The following PPP1R2 variants were observed in gnomAD, a reference collection of about 807,000 sequenced individuals.
PPP1R2 encodes protein phosphatase inhibitor 2.
In PPP1R2, 16 loss-of-function variants were observed where a neutral mutation model predicts 29.9. That is an observed-to-expected ratio of 0.53 (90% CI 0.36 to 0.81). The LOEUF (loss-of-function observed/expected upper bound fraction) is 0.81, where lower values mean the gene tolerates loss of function less well. Ranked by LOEUF, PPP1R2 falls within the 30% of genes least tolerant of loss-of-function variation. The pLI, the probability that PPP1R2 is intolerant of heterozygous loss-of-function variation, is 0.00. For missense variants in PPP1R2, 197 were observed against 252.7 expected (o/e 0.78, Z 1.49); for synonymous variants, 76 against 91.5 (o/e 0.83, Z 0.96).
intron 5 of PPP1R2, 69 bp downstream of exon 5, chr3:195,518,949 A>C (rs1718652892): frequency 6.4e-7 from 1 of 1,558,630 alleles, no homozygotes; most frequent in Non-Finnish European, 8.6e-7. Context: ...AGTTTAAAGC[A>C]AAATAAAGTA....
chr3:195,535,086 G>A (rs1310222175), intron 1 of PPP1R2, among the ~76,000 whole-genome samples: 4 of 152,160 alleles, frequency 2.6e-5, no homozygotes, highest in Admixed American at 6.5e-5. Flanking sequence ...GAGCGGTTTC[G>A]GGAAAGACAA....
At chr3:195,526,554 T>C (rs1384934106) in intron 2 of PPP1R2, among the ~76,000 whole-genome samples, 1 of 152,192 alleles carries the variant, frequency 6.6e-6, no homozygotes, top group East Asian at 1.9e-4. Context: ...ATGGCAAATA[T>C]CTACCATTCA....
intron 1 of PPP1R2, among the ~76,000 whole-genome samples, chr3:195,539,079 A>G (rs1719495896): frequency 6.6e-6 from 1 of 152,236 alleles, no homozygotes; most frequent in Non-Finnish European, 1.5e-5. Context: ...ACATGTCTTA[A>G]AAGGATGGCA....
At chr3:195,535,237 T>C (rs1167554188) in intron 1 of PPP1R2, among the ~76,000 whole-genome samples, 1 of 152,202 alleles carries the variant, frequency 6.6e-6, no homozygotes, top group Non-Finnish European at 1.5e-5. Flanking sequence ...CACACTCCTA[T>C]GAGAATCTAA....
chr3:195,524,908 A>G lies in PPP1R2; in HGVS notation c.231-12T>C, dbSNP rs1448878310. The G allele has an allele frequency of 6.2e-7, 1 of 1,609,028 alleles. No individual in the cohort carries two copies. On this transcript the variant is annotated splice_polypyrimidine_tract_variant and intron_variant, in intron 2 of 5. Transcript: ENST00000618156. ...CATCCCCCATCATACTAGTATGACAAGCACATTGTAATTAATACCTGAAAC... is the reference window on the plus strand; with the variant it reads ...CATCCCCCATCATACTAGTATGACAGGCACATTGTAATTAATACCTGAAAC...
chr3:195,522,162 C>A (rs73067603), intron 4 of PPP1R2, among the ~76,000 whole-genome samples: 13,538 of 152,180 alleles, frequency 0.089, 1,142 homozygotes, highest in East Asian at 0.39. Flanking sequence ...TTAGTAGTCA[C>A]CAAAATATTT....
chr3:195,534,674 T>C (rs1719307177), intron 1 of PPP1R2, among the ~76,000 whole-genome samples: 1 of 151,978 alleles, frequency 6.6e-6, no homozygotes, highest in Non-Finnish European at 1.5e-5. Flanking sequence ...GGTAAGGAAG[T>C]ACCTTGCCAA....
At position 195,529,686 on chromosome 3, in the gene PPP1R2, G is replaced by A. The variant is rs146584848; in HGVS notation, c.230+108C>T. On this transcript the variant is annotated intron_variant, in intron 2 of 5. Coordinates refer to ENST00000618156, the MANE Select transcript of PPP1R2 (RefSeq NM_006241.8). ...GGTTACTGACTTCACTAGTGCTCCA[G>A]TAACAAATCTACAATAAAACAAATT... 1.7e-3 allele frequency: 1,276 copies of A among 750,494 alleles called. 7 individuals carry two copies. The highest frequency in any genetic ancestry group is 0.016 in the African/African-American group (870 of 55,656). The allele number at this position is 750,494 out of a possible 1,614,324, so 46.5% of individuals were successfully genotyped here. A position where few individuals can be genotyped will look rare whatever the true frequency, so the allele number is the denominator to read the frequency against.
At chr3:195,527,900 T>A in intron 2 of PPP1R2, 1 of 373,168 alleles carries the variant, frequency 2.7e-6, no homozygotes, top group Non-Finnish European at 5.1e-6. Flanking sequence ...TTAAAGTATA[T>A]ACCTGCAATT....
intron 2 of PPP1R2, 47 bp from the exon 3 acceptor site, chr3:195,524,943 C>T: frequency 6.5e-7 from 1 of 1,534,136 alleles, no homozygotes; most frequent in Non-Finnish European, 9.0e-7. Flanking sequence ...CATACATTTT[C>T]AGCCACAAAA....
Position 195,543,098 on chromosome 3 carries a change from CAG to C in PPP1R2, c.-75_-74del. The C allele has an allele frequency of 2.0e-6, 3 of 1,491,708 alleles. No individual in the cohort carries two copies. The highest frequency in any genetic ancestry group is 1.3e-5 in the South Asian group (1 of 77,524). The allele number at this position is 1,491,708 out of a possible 1,614,324, so 92.4% of individuals were successfully genotyped here. On this transcript the variant is annotated 5_prime_UTR_variant, in exon 1 of 6. Transcript: ENST00000618156. ...TCCGCGAAGAGAAGGGTCGGCACAG[CAG>C]AGACTCGCAGGCAGCCGCAGATCCC...
chr3:195,541,860 C>G (rs1719612289), intron 1 of PPP1R2, among the ~76,000 whole-genome samples: 1 of 152,148 alleles, frequency 6.6e-6, no homozygotes, highest in Non-Finnish European at 1.5e-5. Context: ...ATATTTCCTT[C>G]AAGGTAACAC....
intron 2 of PPP1R2, among the ~76,000 whole-genome samples, chr3:195,526,400 AT>A (rs1421824018): frequency 2.6e-5 from 4 of 152,036 alleles, no homozygotes; most frequent in Admixed American, 6.6e-5. Flanking sequence ...GGCTGGCCAA[AT>A]GAAACTCTCA....
intron 4 of PPP1R2, among the ~76,000 whole-genome samples, chr3:195,520,597 G>A (rs1718719382): frequency 6.6e-6 from 1 of 152,218 alleles, no homozygotes; most frequent in Non-Finnish European, 1.5e-5. Context: ...GGGTTGACAA[G>A]TGAGACCGTA....
At chr3:195,537,250 G>T (rs1719424974) in intron 1 of PPP1R2, among the ~76,000 whole-genome samples, 1 of 151,956 alleles carries the variant, frequency 6.6e-6, no homozygotes, top group South Asian at 2.1e-4. Flanking sequence ...GATTCATTTA[G>T]ATTGATAACC....
chr3:195,520,841 T>C (rs955634012), intron 4 of PPP1R2, among the ~76,000 whole-genome samples: 1 of 151,634 alleles, frequency 6.6e-6, no homozygotes, highest in African/African-American at 2.4e-5. Context: ...TCTCTTTGTT[T>C]GATTTTTACT....
At chr3:195,536,329 A>T (rs1012665783) in intron 1 of PPP1R2, among the ~76,000 whole-genome samples, 24 of 150,994 alleles carry the variant, frequency 1.6e-4, no homozygotes, top group Non-Finnish European at 2.9e-4. Flanking sequence ...TGCTGGGATT[A>T]TAGGTGTGAG....
intron 4 of PPP1R2, among the ~76,000 whole-genome samples, chr3:195,522,500 A>G (rs1007741601): frequency 2.0e-5 from 3 of 152,250 alleles, no homozygotes; most frequent in African/African-American, 7.2e-5. Flanking sequence ...TAAAACTGAC[A>G]TTAACAAAAA....
Position 195,519,060 on chromosome 3 carries a change from T to A in PPP1R2, c.529A>T (p.Thr177Ser). Reference protein sequence around the residue: ...DDDEDEEMLETADGESMNTEE... With the variant: ...DDDEDEEMLESADGESMNTEE... ...GTATTCATGCTTTCTCCATCTGCAGTCTCTAACATTTCTTCATCTTCATCA... is the reference window on the plus strand; with the variant it reads ...GTATTCATGCTTTCTCCATCTGCAGACTCTAACATTTCTTCATCTTCATCA... Residue 177 changes from threonine to serine, a missense_variant, in exon 5 of 6, where the codon ACT (threonine) becomes TCT (serine). This residue lies in a region of PPP1R2 where 135 missense variants were observed against 163.0 expected (regional missense o/e 0.83). Transcript: ENST00000618156. The A allele has an allele frequency of 6.2e-7, 1 of 1,603,808 alleles. No homozygotes were observed. Among genetic ancestry groups the A allele is most frequent in the Non-Finnish European group, 8.5e-7 (1 of 1,171,598 alleles).
Sources: allele counts gnomAD v4.1 joint callset (sites outside exome capture counted in the v4.1 genomes callset), GRCh38; gene constraint gnomAD v4.1.1; regional missense constraint gnomAD v4.1.1; transcripts MANE v1.5; gene names NCBI Gene and HGNC (gene_info 2026-07-23, HGNC 2026-07-21).